The following THBS2 variants were observed in gnomAD, a reference collection of about 807,000 sequenced individuals.
The protein encoded by THBS2 is thrombospondin 2, also known as thrombospondin-2.
Under a neutral mutation model 135.2 loss-of-function variants are expected in THBS2, and 47 were observed. The ratio of observed to expected loss-of-function variants is 0.35; its 90% CI spans 0.28 to 0.44. THBS2 has a LOEUF of 0.44. THBS2 is among the 20% of genes least tolerant of loss of function. The pLI is 1.00. For synonymous variants in THBS2, 639 were observed against 633.8 expected (o/e 1.01, Z -0.12); for missense variants, 1,288 against 1,603.1 (o/e 0.80, Z 3.36).
chr6:169,245,770 T>A (rs368066924), intron 4 of THBS2, among the ~76,000 whole-genome samples: 1 of 139,790 alleles, frequency 7.2e-6, no homozygotes, highest in Non-Finnish European at 1.5e-5. Flanking sequence ...CCAGCCTGGG[T>A]GACAGAGTGA....
Position 169,232,032 on chromosome 6 carries a change from C to T in THBS2, c.2099G>A (p.Trp700Ter). ...ICGEDSDLDG[W>*]PNLNLVCATN... ...GGCGCAGACCAGATTGAGGTTGGGC[C>T]AGCCGTCCAGGTCCGAGTCCTCCCC... is the stretch of plus-strand genomic sequence containing the variant. The change falls in exon 13 of 22, where the codon TGG becomes TAG. Residue 700 changes from tryptophan (W) to a stop codon, truncating the protein, a stop_gained. Transcript: ENST00000617924. LOFTEE classifies it high-confidence loss of function. 6.2e-7 allele frequency: 1 copy of T among 1,614,064 alleles called. No homozygotes were observed. The highest frequency in any genetic ancestry group is 1.1e-5 in the South Asian group (1 of 91,078).
chr6:169,218,691 G>GGGAT (rs1316000976), intron 21 of THBS2, among the ~76,000 whole-genome samples: 6 of 130,406 alleles, frequency 4.6e-5, no homozygotes, highest in East Asian at 2.7e-4. Context: ...ATGGATGGAT[G>GGGAT]GGATGGATGG....
chr6:169,239,872 A>G (rs1412632070), intron 6 of THBS2, among the ~76,000 whole-genome samples, 177 bp from the exon 7 acceptor site: 1 of 152,182 alleles, frequency 6.6e-6, no homozygotes, highest in African/African-American at 2.4e-5. Context: ...TGACAGCCTA[A>G]CAAGAACAGG....
At chr6:169,243,425 G>A (rs912692313) in intron 4 of THBS2, among the ~76,000 whole-genome samples, 1 of 152,220 alleles carries the variant, frequency 6.6e-6, no homozygotes, top group Admixed American at 6.5e-5. Flanking sequence ...TCTCAGGGGT[G>A]AAGATCCCAT....
At chr6:169,229,532 CT>C (rs1211623831) in intron 14 of THBS2, 39 bp downstream of exon 14, 1 of 1,576,630 alleles carries the variant, frequency 6.3e-7, no homozygotes, top group Middle Eastern at 1.7e-4. Context: ...CTCGCTGCTC[CT>C]GGAACCCAGG....
Position 169,241,920 on chromosome 6 carries a change from G to T in THBS2, c.733C>A (p.Arg245Ser), listed in dbSNP as rs1274701807. 4 of 1,611,488 alleles carry T rather than the reference G, an allele frequency of 2.5e-6. No homozygotes were observed. In the South Asian group the frequency reaches 3.3e-5, roughly 13 times the overall value. The part of the protein sequence containing the change: ...NAISENTETL[R>S]LGPHVTTEYV... ...TCGGTGGTGACATGCGGACCCAGGC[G>T]CAGCGTCTCTGTGTTCTCACTGATG... Residue 245 changes from arginine to serine, a missense_variant, in exon 5 of 22, where the codon CGC becomes AGC. Physicochemically the swap from Arg to Ser is moderately radical, Grantham distance 110. This residue lies in a region of THBS2 where 414 missense variants were observed against 447.0 expected (regional missense o/e 0.93). Transcript: ENST00000617924. This position sits in a 1 kb window ranked among gnomAD's most constrained non-coding sequence, Gnocchi z 5.5.
Position 169,225,389 on chromosome 6 carries a change from G to T in THBS2, c.2539-10C>A. 6.4e-7 allele frequency: 1 copy of T among 1,552,520 alleles called. No individual in the cohort carries two copies. Among genetic ancestry groups the T allele is most frequent in the Non-Finnish European group, 8.7e-7 (1 of 1,147,232 alleles). On this transcript the variant is annotated splice_polypyrimidine_tract_variant and intron_variant, in intron 16 of 21. Coordinates refer to ENST00000617924, the MANE Select transcript of THBS2 (RefSeq NM_003247.5). ...CATTGTCCACGTCGGTCTAGGGGAT[G>T]GGGCGTGAGAGAAACAGCAGAGGAC...
At chr6:169,234,598 AAGT>A (rs1220308788) in intron 10 of THBS2, 133 bp downstream of exon 10, 6 of 908,834 alleles carry the variant, frequency 6.6e-6, no homozygotes, top group Non-Finnish European at 9.5e-6. Context: ...CAGATGTTAA[AAGT>A]AGTTATCTTT....
chr6:169,242,705 CA>C (rs1780372500), intron 4 of THBS2, among the ~76,000 whole-genome samples: 1 of 127,742 alleles, frequency 7.8e-6, no homozygotes, highest in Non-Finnish European at 1.8e-5. Flanking sequence ...CCCACCTTCC[CA>C]CCACTCCCAC....
Position 169,232,110 on chromosome 6 carries a change from G to A in THBS2, c.2021C>T (p.Pro674Leu). The change falls in exon 13 of 22, where the codon CCC becomes CTC. Residue 674 changes from proline to leucine, a missense_variant. By Grantham distance (98) the Pro-to-Leu change is moderately conservative (BLOSUM62 -3). Transcript: ENST00000617924. ...TGTCTGGCACTCGCACTTGTACATG[G>A]GGTCGCTGAAGTGGCCCAGGTAGAT... ...ECIYLGHFSDPMYKCECQTGY... is the reference protein window; with the variant it reads ...ECIYLGHFSDLMYKCECQTGY... 2 of 1,614,086 alleles carry A rather than the reference G, an allele frequency of 1.2e-6. No homozygotes were observed. Among genetic ancestry groups the A allele is most frequent in the Non-Finnish European group, 1.7e-6 (2 of 1,179,996 alleles).
At chr6:169,250,199 C>G (rs1053601530) in intron 2 of THBS2, among the ~76,000 whole-genome samples, 1 of 152,170 alleles carries the variant, frequency 6.6e-6, no homozygotes, top group Non-Finnish European at 1.5e-5. Flanking sequence ...TTTGATTCAG[C>G]AATTCTAATT....
At chr6:169,250,700 C>T in intron 2 of THBS2, 33 bp downstream of exon 2, 2 of 1,605,176 alleles carry the variant, frequency 1.2e-6, no homozygotes, top group East Asian at 2.2e-5. Flanking sequence ...TCTCACAAGC[C>T]AGAGAGAGAC....
chr6:169,225,807 T>C (rs141316636), intron 16 of THBS2, among the ~76,000 whole-genome samples: 346 of 152,340 alleles, frequency 2.3e-3, no homozygotes, highest in African/African-American at 7.7e-3. Context: ...AATTCCTATG[T>C]TGGCATCAGG....
At chr6:169,233,712 G>A (rs1779934810) in intron 10 of THBS2, among the ~76,000 whole-genome samples, 2 of 139,966 alleles carry the variant, frequency 1.4e-5, no homozygotes, top group Non-Finnish European at 3.1e-5. Flanking sequence ...CCACGTTCCA[G>A]ACCACACAAC....
At chr6:169,243,483 CTT>C (rs1194953644) in intron 4 of THBS2, among the ~76,000 whole-genome samples, 1 of 152,190 alleles carries the variant, frequency 6.6e-6, no homozygotes, top group African/African-American at 2.4e-5. Flanking sequence ...TGAGGAAAGA[CTT>C]AGACATTTTA....
chr6:169,242,940 C>CA (rs1780397811), intron 4 of THBS2, among the ~76,000 whole-genome samples: 1 of 70,402 alleles, frequency 1.4e-5, no homozygotes. Context: ...ACCTTCCCAC[C>CA]TTCCCACCTT....
rs911800876 is a variant in THBS2, at chr6:169,223,160, C to G, written c.3001+88G>C. 10 of 1,253,582 alleles carry G rather than the reference C, an allele frequency of 8.0e-6. No individual in the cohort carries two copies. In the African/African-American group the frequency reaches 1.5e-4, roughly 19 times the overall value. The allele number at this position is 1,253,582 out of a possible 1,614,324, so 77.7% of individuals were successfully genotyped here. On this transcript the variant is annotated intron_variant, in intron 18 of 21. Transcript: ENST00000617924. The stretch of plus-strand genomic sequence containing the variant: ...CCAGAAAGACCACATGGCATCCCAC[C>G]TGCATGATCTTAAAGTGCAGTCTGC...
At chr6:169,232,550 A>G in intron 12 of THBS2, 114 bp downstream of exon 12, 1 of 1,489,650 alleles carries the variant, frequency 6.7e-7, no homozygotes, top group Non-Finnish European at 9.0e-7. Context: ...AGCCCCTCCC[A>G]TGCCTCTCCC....
In THBS2 at chr6:169,253,732, C is replaced by T. The variant is rs1477547273; in HGVS notation, c.-31G>A. ...TTAAGAAATAATCGTACCTGGTTTG[C>T]CAAAAAGATGCAGTGATGACTGGTT... is the stretch of plus-strand genomic sequence containing the variant. On this transcript the variant is annotated 5_prime_UTR_variant, in exon 1 of 22. Coordinates refer to ENST00000617924, the MANE Select transcript of THBS2 (RefSeq NM_003247.5). The T allele has an allele frequency of 3.3e-5, 5 of 152,204 alleles. No individual in the cohort carries two copies. The East Asian group carries it at 9.6e-4, about 29-fold the overall frequency. 9.4% of individuals were successfully genotyped at this position (152,204 alleles called of 1,614,324 possible).
Sources: gnomAD v4.1 joint callset for allele counts (sites outside exome capture counted in the v4.1 genomes callset) on GRCh38, gnomAD v4.1.1 for gene constraint, gnomAD v4.1.1 regional missense constraint, Gnocchi (gnomAD v3.1) non-coding constraint, MANE v1.5 for transcripts, NCBI Gene and HGNC (gene_info 2026-07-23, HGNC 2026-07-21) for gene names.